Variants in NT5C1B observed in about 807,000 individuals in gnomAD.
NT5C1B encodes 5'-nucleotidase, cytosolic IB.
In NT5C1B, 44 loss-of-function variants were observed where a neutral mutation model predicts 57.8. The ratio of observed to expected loss-of-function variants is 0.76; its 90% CI spans 0.60 to 0.98. NT5C1B has a LOEUF of 0.98. Ranked by LOEUF, NT5C1B falls within the 50% of genes least tolerant of loss-of-function variation. The pLI, the probability that NT5C1B is intolerant of heterozygous loss-of-function variation, is 0.00. For missense variants in NT5C1B, 742 were observed against 719.5 expected, an observed-to-expected ratio of 1.03 and a Z score of -0.36; for synonymous variants, 284 against 282.6, an observed-to-expected ratio of 1.00 and a Z score of -0.05.
At chr2:18,576,210 A>G in exon 8 of NT5C1B, 1 of 1,612,938 alleles carries the variant, frequency 6.2e-7, no homozygotes, top group Non-Finnish European at 8.5e-7. Flanking sequence ...CTTTCACATA[A>G]TGTATCATAC....
intron 6 of NT5C1B, among the ~76,000 whole-genome samples, chr2:18,580,615 C>CA (rs747341820): frequency 3.3e-5 from 5 of 151,210 alleles, no homozygotes; most frequent in South Asian, 2.1e-4. Flanking sequence ...AATTCCGTCT[C>CA]AAAAAAAACA....
intron 2 of NT5C1B, chr2:18,586,687 A>G (rs1011740200): frequency 3.4e-6 from 2 of 580,460 alleles, no homozygotes; most frequent in African/African-American, 3.7e-5. Context: ...ATGGTTCACC[A>G]TTGTTCCTCC....
At position 18,584,446 on chromosome 2, in the gene NT5C1B, G is replaced by A. The variant is rs1191463314; in HGVS notation, c.723+68C>T. 5 of 1,562,000 alleles carry A rather than the reference G, an allele frequency of 3.2e-6. No individual in the cohort carries two copies. In the South Asian group the frequency reaches 4.7e-5, roughly 15 times the overall value. On this transcript the variant is annotated intron_variant, in intron 4 of 8. Transcript: ENST00000304081. This position sits in a 1 kb window ranked among gnomAD's most constrained non-coding sequence, Gnocchi z 5.8. ...CGGGAGGACCTCCCTGCGCAGTGGA[G>A]AGGAGGGCGGCTGGAAGAGGCTGCA...
chr2:18,585,877 C>T (rs1432251337), intron 3 of NT5C1B, among the ~76,000 whole-genome samples: 2 of 152,006 alleles, frequency 1.3e-5, no homozygotes, highest in Admixed American at 6.6e-5. Context: ...TAATTAAAAA[C>T]TCAAAGCCCC....
exon 1 of NT5C1B, chr2:18,589,546 TCA>T: frequency 6.2e-7 from 1 of 1,604,888 alleles, no homozygotes. Context: ...CTTCCCTTGC[TCA>T]GTCTAGCTTT....
chr2:18,566,623 G>C (rs925563302), intron 8 of NT5C1B, among the ~76,000 whole-genome samples: 2 of 152,132 alleles, frequency 1.3e-5, no homozygotes, highest in African/African-American at 4.8e-5. Flanking sequence ...AGAATGCTGA[G>C]TTATGTCACC....
chr2:18,563,154 A>T (rs1343723634), exon 9 of NT5C1B: 1 of 151,884 alleles, frequency 6.6e-6, no homozygotes, highest in Non-Finnish European at 1.5e-5. Flanking sequence ...TGTGGATCAG[A>T]GGCATTTAAC....
intron 6 of NT5C1B, among the ~76,000 whole-genome samples, chr2:18,579,419 A>T (rs1254997462): frequency 1.3e-5 from 2 of 152,258 alleles, no homozygotes; most frequent in Non-Finnish European, 2.9e-5. Flanking sequence ...CTAAAACAGC[A>T]TGGTGCCGGT....
exon 6 of NT5C1B, chr2:18,582,972 A>C: frequency 6.2e-7 from 1 of 1,613,952 alleles, no homozygotes; most frequent in Non-Finnish European, 8.5e-7. Context: ...TAGATCACGG[A>C]GTCTAGCATT....
At position 18,584,710 on chromosome 2, in the gene NT5C1B, G is replaced by T. The variant is rs1191208391; in HGVS notation, c.527C>A (p.Ser176Ter). 2.5e-6 allele frequency: 4 copies of T among 1,612,504 alleles called. No homozygotes were observed. In the African/African-American group the frequency reaches 5.3e-5, roughly 22 times the overall value. The change falls in exon 4 of 9, where the codon TCG (serine) becomes TAG (stop). Residue 176 changes from serine to a stop codon, truncating the protein, a stop_gained. Coordinates refer to ENST00000304081, the Ensembl canonical transcript of NT5C1B. LOFTEE classifies it high-confidence loss of function. The surrounding 1 kb of genome is among the most constrained non-coding windows in gnomAD (Gnocchi z 5.8). ...CTTCCACTCGGTGGGGGACGTGCGC[G>T]AATATTCCAGCGGCTGCGAGTCCCG...
At chr2:18,578,897 A>G (rs897282796) in intron 6 of NT5C1B, among the ~76,000 whole-genome samples, 1 of 152,210 alleles carries the variant, frequency 6.6e-6, no homozygotes, top group Non-Finnish European at 1.5e-5. Flanking sequence ...AGAAAATGCC[A>G]TAGTTTCTGC....
chr2:18,572,765 T>C (rs1665321887), intron 8 of NT5C1B, among the ~76,000 whole-genome samples: 1 of 152,034 alleles, frequency 6.6e-6, no homozygotes, highest in African/African-American at 2.4e-5. Flanking sequence ...CTAAAATTGC[T>C]TAAAGAAAGA....
At position 18,584,760 on chromosome 2, in the gene NT5C1B, G is replaced by GC. The variant is rs1558387778; in HGVS notation, c.476dup (p.Ile160HisfsTer124). 6.2e-7 allele frequency: 1 copy of GC among 1,613,654 alleles called. No individual in the cohort carries two copies. The highest frequency in any genetic ancestry group is 1.7e-5 in the Admixed American group (1 of 60,000). ...GGGTCTGGCGGATTTCCCGCACGAT[G>GC]CCTTGGGCCCAGGCCTCCGGATTCT... is the stretch of plus-strand genomic sequence containing the variant. On this transcript the variant is annotated frameshift_variant, in exon 4 of 9. Coordinates refer to ENST00000304081, the Ensembl canonical transcript of NT5C1B. LOFTEE classifies it high-confidence loss of function. The surrounding 1 kb of genome is among the most constrained non-coding windows in gnomAD (Gnocchi z 5.8).
Position 18,584,485 on chromosome 2 carries a change from C to A in NT5C1B, c.723+29G>T. On this transcript the variant is annotated intron_variant, in intron 4 of 8. Transcript: ENST00000304081. The surrounding 1 kb of genome is among the most constrained non-coding windows in gnomAD (Gnocchi z 5.8). The stretch of plus-strand genomic sequence containing the variant: ...GAAGAGGCTGCAAGGAAGGGCGCCC[C>A]GGCTGCCAGGGGCGGCGGGCTGGCT... 6.3e-7 allele frequency: 1 copy of A among 1,594,826 alleles called. No individual in the cohort carries two copies. The highest frequency in any genetic ancestry group is 1.1e-5 in the South Asian group (1 of 88,790).
intron 8 of NT5C1B, among the ~76,000 whole-genome samples, chr2:18,565,359 T>C (rs1572294241): frequency 6.6e-6 from 1 of 152,204 alleles, no homozygotes; most frequent in African/African-American, 2.4e-5. Context: ...GTAGTACTGA[T>C]TTTCTCAAAA....
chr2:18,580,865 A>C (rs1666123750), intron 6 of NT5C1B, among the ~76,000 whole-genome samples: 1 of 152,214 alleles, frequency 6.6e-6, no homozygotes. Context: ...ACATGTTCTC[A>C]CTTATAAGTG....
chr2:18,574,258 A>G (rs1362682416), intron 8 of NT5C1B, among the ~76,000 whole-genome samples: 2 of 152,098 alleles, frequency 1.3e-5, no homozygotes, highest in Admixed American at 6.5e-5. Flanking sequence ...CCAAATAAAA[A>G]CCACAATCCA....
chr2:18,569,580 A>C (rs1028146202), intron 8 of NT5C1B, among the ~76,000 whole-genome samples: 3 of 152,092 alleles, frequency 2.0e-5, no homozygotes, highest in Non-Finnish European at 4.4e-5. Context: ...TAGCCCCCCC[A>C]AAAAAGCTGG....
chr2:18,583,122 G>T (rs1387906094), intron 5 of NT5C1B, 125 bp from the exon 6 acceptor site: 4 of 1,267,366 alleles, frequency 3.2e-6, no homozygotes, highest in Non-Finnish European at 4.2e-6. Context: ...AGAGATTCTG[G>T]CTCCTTTAAG....
Sources: allele counts gnomAD v4.1 joint callset (sites outside exome capture counted in the v4.1 genomes callset), GRCh38; gene constraint gnomAD v4.1.1; non-coding constraint Gnocchi (gnomAD v3.1); transcripts MANE v1.5; gene names NCBI Gene and HGNC (gene_info 2026-07-23, HGNC 2026-07-21).